Variants in ZNF385D observed in about 807,000 individuals in gnomAD.
ZNF385D encodes zinc finger protein 385D, also known as zinc finger protein 659.
Under a neutral mutation model 35.8 loss-of-function variants are expected in ZNF385D, and 15 were observed. The ratio of observed to expected loss-of-function variants is 0.42; its 90% CI spans 0.28 to 0.64. The LOEUF (loss-of-function observed/expected upper bound fraction) is 0.64, where lower values mean the gene tolerates loss of function less well. Ranked by LOEUF, ZNF385D falls within the 30% of genes least tolerant of loss-of-function variation. ZNF385D has a pLI of 0.23. For synonymous variants in ZNF385D, 212 were observed against 186.8 expected (o/e 1.13, Z -1.10); for missense variants, 474 against 494.6 (o/e 0.96, Z 0.39).
At chr3:21,956,569 G>GC (rs1028248682) in intron 3 of ZNF385D, among the ~76,000 whole-genome samples, 1 of 151,864 alleles carries the variant, frequency 6.6e-6, no homozygotes, top group Non-Finnish European at 1.5e-5. Flanking sequence ...GAAGTTCCTG[G>GC]CCAACAGAGT....
At chr3:22,348,684 AAGGGAGGGAGGG>A in intron 2 of ZNF385D, among the ~76,000 whole-genome samples, 1 of 139,318 alleles carries the variant, frequency 7.2e-6, no homozygotes, top group Admixed American at 7.1e-5. Context: ...GAAAGAAAGG[AAGGGAGGGAGGG>A]AGGGAGGGAG....
intron 3 of ZNF385D, among the ~76,000 whole-genome samples, chr3:21,816,376 G>C (rs1412854241): frequency 1.3e-5 from 2 of 152,188 alleles, no homozygotes; most frequent in Non-Finnish European, 2.9e-5. Context: ...ATTAAGAAAA[G>C]AGGAAGTCAA....
At chr3:22,029,347 G>C (rs1697773669) in intron 3 of ZNF385D, among the ~76,000 whole-genome samples, 1 of 152,178 alleles carries the variant, frequency 6.6e-6, no homozygotes, top group African/African-American at 2.4e-5. Flanking sequence ...CATGCCCTGT[G>C]ATTAAGGTCA....
At chr3:21,808,993 C>G (rs980991333) in intron 3 of ZNF385D, among the ~76,000 whole-genome samples, 1 of 152,076 alleles carries the variant, frequency 6.6e-6, no homozygotes, top group African/African-American at 2.4e-5. Context: ...AATGGGTTGC[C>G]CGCATGCTAT....
At chr3:22,290,815 G>A (rs1261388475) in intron 2 of ZNF385D, among the ~76,000 whole-genome samples, 1 of 152,138 alleles carries the variant, frequency 6.6e-6, no homozygotes, top group African/African-American at 2.4e-5. Context: ...AGAGTCAGTA[G>A]CCTCGTATTC....
chr3:21,540,204 C>CA (rs2062138874), intron 3 of ZNF385D, among the ~76,000 whole-genome samples: 1 of 151,926 alleles, frequency 6.6e-6, no homozygotes, highest in Non-Finnish European at 1.5e-5. Context: ...ATTAAATAGG[C>CA]AAAAGCAGAA....
intron 3 of ZNF385D, among the ~76,000 whole-genome samples, chr3:21,798,956 T>C (rs1366907990): frequency 6.6e-6 from 1 of 152,170 alleles, no homozygotes; most frequent in Non-Finnish European, 1.5e-5. Flanking sequence ...GCAGACACTC[T>C]CCATTACCTC....
At chr3:21,792,611 T>C (rs185316042) in intron 3 of ZNF385D, among the ~76,000 whole-genome samples, 4 of 152,202 alleles carry the variant, frequency 2.6e-5, no homozygotes, top group Admixed American at 2.6e-4. Flanking sequence ...TCTTAGCCCC[T>C]AGGAGTTGTG....
chr3:22,223,801 T>C (rs148827913), intron 2 of ZNF385D, among the ~76,000 whole-genome samples: 29 of 152,310 alleles, frequency 1.9e-4, no homozygotes, highest in Non-Finnish European at 3.4e-4. Flanking sequence ...TCCGACATTA[T>C]TCATGAAATT....
intron 3 of ZNF385D, among the ~76,000 whole-genome samples, chr3:22,086,215 A>G (rs568245843): frequency 7.6e-4 from 116 of 152,284 alleles, no homozygotes; most frequent in African/African-American, 2.6e-3. Flanking sequence ...CAATCAGGCA[A>G]GAGAAAGAAA....
intron 2 of ZNF385D, among the ~76,000 whole-genome samples, chr3:22,239,961 G>T (rs1013964524): frequency 6.7e-6 from 1 of 149,756 alleles, no homozygotes; most frequent in African/African-American, 2.5e-5. Context: ...TGGATCACTC[G>T]AGTCTAGGAG....
chr3:21,720,221 T>C (rs1268412355), intron 1 of ZNF385D, among the ~76,000 whole-genome samples: 3 of 152,170 alleles, frequency 2.0e-5, no homozygotes, highest in South Asian at 2.1e-4. Flanking sequence ...TTCTTAAGTA[T>C]AGTCCCTAGA....
chr3:22,140,248 A>G (rs915463033), intron 3 of ZNF385D, among the ~76,000 whole-genome samples: 23 of 152,352 alleles, frequency 1.5e-4, no homozygotes, highest in Admixed American at 1.3e-3. Flanking sequence ...ACTCAGCAAT[A>G]AAAAGGAACA....
At chr3:21,503,973 G>A (rs1022440965) in intron 4 of ZNF385D, among the ~76,000 whole-genome samples, 4 of 152,038 alleles carry the variant, frequency 2.6e-5, no homozygotes, top group African/African-American at 9.7e-5. Context: ...AAAATTAAAA[G>A]AGAAAAAGGG....
intron 5 of ZNF385D, among the ~76,000 whole-genome samples, chr3:21,435,216 C>A (rs1474852277): frequency 6.7e-6 from 1 of 149,498 alleles, no homozygotes; most frequent in Non-Finnish European, 1.5e-5. Flanking sequence ...GTTTCTTTAT[C>A]AGATATTTCT....
chr3:22,179,166 T>C (rs958920833), intron 2 of ZNF385D, among the ~76,000 whole-genome samples: 2 of 152,186 alleles, frequency 1.3e-5, no homozygotes, highest in African/African-American at 4.8e-5. Context: ...ATCTATAAAT[T>C]ACTTTGGGCA....
At chr3:21,833,555 A>C (rs1695137870) in intron 3 of ZNF385D, among the ~76,000 whole-genome samples, 1 of 152,182 alleles carries the variant, frequency 6.6e-6, no homozygotes, top group Admixed American at 6.5e-5. Context: ...CTCCAGAGAA[A>C]GTGTGGCCCT....
At chr3:21,561,183 C>T (rs770188244) in intron 3 of ZNF385D, among the ~76,000 whole-genome samples, 1 of 152,178 alleles carries the variant, frequency 6.6e-6, no homozygotes, top group Non-Finnish European at 1.5e-5. Context: ...CCAGAAGCCA[C>T]TGGGGTATGA....
intron 3 of ZNF385D, among the ~76,000 whole-genome samples, chr3:22,093,364 T>A (rs1239621533): frequency 6.6e-6 from 1 of 151,688 alleles, no homozygotes; most frequent in Non-Finnish European, 1.5e-5. Context: ...TAAATACATA[T>A]AAAATATAGT....
Sources: allele counts gnomAD v4.1 joint callset (sites outside exome capture counted in the v4.1 genomes callset), GRCh38; gene constraint gnomAD v4.1.1; transcripts MANE v1.5; gene names NCBI Gene and HGNC (gene_info 2026-07-23, HGNC 2026-07-21).